CASS4: variants seen among roughly 807,000 people sequenced by gnomAD.
CASS4 encodes cas scaffolding protein family member 4.
In CASS4, 22 loss-of-function variants were observed where a neutral mutation model predicts 54.2. That is an observed-to-expected ratio of 0.41 (90% CI 0.29 to 0.58). The LOEUF is 0.58. Among genes scored for constraint, CASS4 ranks in the 20% least tolerant of loss-of-function variants. The pLI, the probability that CASS4 is intolerant of heterozygous loss-of-function variation, is 0.36. For missense variants in CASS4, 854 were observed against 986.7 expected (o/e 0.87, Z 1.80); for synonymous variants, 409 against 391.5 (o/e 1.04, Z -0.53).
chr20:56,442,297 A>G (rs1223250446), intron 2 of CASS4, among the ~76,000 whole-genome samples: 3 of 151,770 alleles, frequency 2.0e-5, no homozygotes, highest in African/African-American at 7.3e-5. Flanking sequence ...ATATCTTTAG[A>G]TTAGAACAAC....
intron 3 of CASS4, among the ~76,000 whole-genome samples, chr20:56,449,302 C>G (rs537708194): frequency 9.8e-4 from 149 of 152,300 alleles, no homozygotes; most frequent in African/African-American, 3.5e-3. Flanking sequence ...AGTTCATGTC[C>G]TTTGTAGGAA....
At position 56,452,913 on chromosome 20, in the gene CASS4, T is replaced by C; in HGVS notation, c.1737T>C (p.Ile579=). The part of the protein sequence containing the change: ...LPEDIKRFAS[I]VIANGRLLFK... ...AAGACATCAAGAGGTTTGCCTCCAT[T>C]GTCATTGCCAATGGAAGGCTCCTTT... is the stretch of plus-strand genomic sequence containing the variant. The change falls in exon 5 of 6, where the codon ATT becomes ATC. Residue 579 remains isoleucine, a synonymous_variant. Transcript: ENST00000679887. The C allele has an allele frequency of 6.2e-7, 1 of 1,613,992 alleles. No individual in the cohort carries two copies. The highest frequency in any genetic ancestry group is 8.5e-7 in the Non-Finnish European group (1 of 1,180,022).
Position 56,450,637 on chromosome 20 carries a change from C to T in CASS4, c.600C>T (p.Ser200=). The change falls in exon 4 of 6, where the codon AGC becomes AGT. Residue 200 remains serine, a synonymous_variant. Transcript: ENST00000679887. Reference sequence around the variant, plus strand: ...AGCAGTTATATGACATACCAGCCAGCCCCAAGAAGGCAGGACTCCATCCCC... The same window carrying T: ...AGCAGTTATATGACATACCAGCCAGTCCCAAGAAGGCAGGACTCCATCCCC... ...EKQQLYDIPA[S]PKKAGLHPPD... 6 of 1,614,102 alleles carry T rather than the reference C, an allele frequency of 3.7e-6. No homozygotes were observed. The highest frequency in any genetic ancestry group is 5.1e-6 in the Non-Finnish European group (6 of 1,180,000).
chr20:56,444,900 C>T lies in CASS4; in HGVS notation c.460-1000C>T, dbSNP rs376483191. 1.3e-4 allele frequency among the ~76,000 whole-genome samples: 20 copies of T among 152,128 alleles called. 2 individuals carry two copies. Among genetic ancestry groups the T allele is most frequent in the East Asian group, 7.7e-4 (4 of 5,184 alleles). On this transcript the variant is annotated intron_variant, in intron 2 of 5. Coordinates refer to ENST00000679887, the MANE Select transcript of CASS4 (RefSeq NM_020356.4). The stretch of plus-strand genomic sequence containing the variant: ...CCAATGTGGGCAGATCACCTAAGGT[C>T]GGGAGTTCAAGACCAGCCCGACCAA...
intron 3 of CASS4, among the ~76,000 whole-genome samples, chr20:56,448,248 GT>G (rs984999434): frequency 7.9e-5 from 12 of 151,760 alleles, no homozygotes; most frequent in African/African-American, 2.9e-4. Context: ...ATGTAAAACT[GT>G]GACATTTTGT....
rs570049460 is a variant in CASS4, at chr20:56,433,465, A to C, written c.37-3699A>C. The stretch of plus-strand genomic sequence containing the variant: ...CACAGGGCCTTGATGGTTTGGGCAC[A>C]GTTTGGGCTTTGTCCAAAGGGTAAT... On this transcript the variant is annotated intron_variant, in intron 1 of 5. Coordinates refer to ENST00000679887, the MANE Select transcript of CASS4 (RefSeq NM_020356.4). 2.0e-5 allele frequency among the ~76,000 whole-genome samples: 3 copies of C among 152,300 alleles called. No homozygotes were observed. In the East Asian group the frequency reaches 5.8e-4, roughly 29 times the overall value.
At chr20:56,451,763 C>A in intron 4 of CASS4, 56 bp from the exon 5 acceptor site, 1 of 1,336,726 alleles carries the variant, frequency 7.5e-7, no homozygotes, top group East Asian at 2.3e-5. Flanking sequence ...AAACAACGCA[C>A]TCGCGCCCTC....
chr20:56,436,011 C>CA (rs907838084), intron 1 of CASS4, among the ~76,000 whole-genome samples: 2 of 152,252 alleles, frequency 1.3e-5, no homozygotes, highest in Non-Finnish European at 2.9e-5. Flanking sequence ...CTCGGCCCCC[C>CA]AAAGTGCTGG....
At chr20:56,438,835 C>G (rs549776805) in intron 2 of CASS4, among the ~76,000 whole-genome samples, 1 of 152,196 alleles carries the variant, frequency 6.6e-6, no homozygotes, top group African/African-American at 2.4e-5. Context: ...CCAGCCTGGA[C>G]GCCAAGAGTG....
chr20:56,418,308 G>A (rs562556050), intron 1 of CASS4, among the ~76,000 whole-genome samples: 1 of 152,244 alleles, frequency 6.6e-6, no homozygotes, highest in African/African-American at 2.4e-5. Context: ...CATAGTACAG[G>A]GCCCCTGTAA....
Position 56,452,898 on chromosome 20 carries a change from G to A in CASS4, c.1722G>A (p.Lys574=). 1 of 1,614,098 alleles carries A rather than the reference G, an allele frequency of 6.2e-7. No individual in the cohort carries two copies. The highest frequency in any genetic ancestry group is 8.5e-7 in the Non-Finnish European group (1 of 1,180,032). The part of the protein sequence containing the change: ...MVARMLPEDI[K]RFASIVIANG... ...CACGGATGCTTCCAGAAGACATCAA[G>A]AGGTTTGCCTCCATTGTCATTGCCA... Residue 574 remains lysine (K), a synonymous_variant, in exon 5 of 6, where the codon AAG becomes AAA. Coordinates refer to ENST00000679887, the MANE Select transcript of CASS4 (RefSeq NM_020356.4).
chr20:56,453,397 A>G, intron 5 of CASS4: 1 of 282,620 alleles, frequency 3.5e-6, no homozygotes, highest in Non-Finnish European at 6.5e-6. Flanking sequence ...TATTAGAATT[A>G]AAAGGGATTT....
At chr20:56,443,217 C>T (rs1002411641) in intron 2 of CASS4, among the ~76,000 whole-genome samples, 7 of 151,288 alleles carry the variant, frequency 4.6e-5, no homozygotes, top group African/African-American at 9.8e-5. Flanking sequence ...CGCGGTGGCT[C>T]ACGCCTGTAA....
chr20:56,454,651 A>G (rs1981200884), intron 5 of CASS4, among the ~76,000 whole-genome samples: 1 of 152,218 alleles, frequency 6.6e-6, no homozygotes, highest in Non-Finnish European at 1.5e-5. Context: ...AAGGGATTTT[A>G]TTTTTCAGAC....
intron 3 of CASS4, among the ~76,000 whole-genome samples, chr20:56,446,987 C>T (rs1332893556): frequency 1.2e-4 from 18 of 152,118 alleles, no homozygotes; most frequent in Non-Finnish European, 1.5e-5. Context: ...GCAGGAGGAT[C>T]ACTTGACACT....
At position 56,458,908 on chromosome 20, in the gene CASS4, G is replaced by A; in HGVS notation, c.*161G>A. 1.5e-6 allele frequency: 1 copy of A among 671,912 alleles called. No individual in the cohort carries two copies. Among genetic ancestry groups the A allele is most frequent in the East Asian group, 2.7e-5 (1 of 36,386 alleles). The allele number at this position is 671,912 out of a possible 1,614,324, so 41.6% of individuals were successfully genotyped here. A position where few individuals can be genotyped will look rare whatever the true frequency, so the allele number is the denominator to read the frequency against. ...GTACCAAGTGGCTAAGCAACCCCAG[G>A]GCATTGACTTACCCCGCAGGGGGTC... On this transcript the variant is annotated 3_prime_UTR_variant, in exon 6 of 6. Coordinates refer to ENST00000679887, the MANE Select transcript of CASS4 (RefSeq NM_020356.4).
chr20:56,423,455 AC>A (rs1239871882), intron 1 of CASS4, among the ~76,000 whole-genome samples: 2 of 152,184 alleles, frequency 1.3e-5, no homozygotes, highest in African/African-American at 4.8e-5. Flanking sequence ...AGGTTTTGAA[AC>A]CAAAAAGGGA....
intron 5 of CASS4, chr20:56,453,622 CT>C (rs1006112368): frequency 6.5e-6 from 1 of 155,004 alleles, no homozygotes; most frequent in African/African-American, 2.4e-5. Flanking sequence ...GGCCTGGTGG[CT>C]TATGCCTGTA....
At chr20:56,429,578 A>G (rs1032573527) in intron 1 of CASS4, among the ~76,000 whole-genome samples, 1 of 152,102 alleles carries the variant, frequency 6.6e-6, no homozygotes, top group Non-Finnish European at 1.5e-5. Context: ...GTCATTTTTC[A>G]GTTCCTCCAA....
Sources: gnomAD v4.1 joint callset for allele counts (sites outside exome capture counted in the v4.1 genomes callset) on GRCh38, gnomAD v4.1.1 for gene constraint, MANE v1.5 for transcripts, NCBI Gene and HGNC (gene_info 2026-07-23, HGNC 2026-07-21) for gene names.